Variants in PPP2R2B observed in about 807,000 individuals in gnomAD.
PPP2R2B encodes the protein serine/threonine-protein phosphatase 2A 55 kDa regulatory subunit B beta isoform.
In PPP2R2B, 5 loss-of-function variants were observed where a neutral mutation model predicts 46.0. The observed-to-expected ratio is 0.11, with a 90% CI of 0.06 to 0.23. The LOEUF is 0.23. Ranked by LOEUF, PPP2R2B falls within the 10% of genes least tolerant of loss-of-function variation. The pLI is 1.00. For synonymous variants in PPP2R2B, 215 were observed against 206.7 expected (o/e 1.04, Z -0.34); for missense variants, 367 against 575.0 (o/e 0.64, Z 3.70).
At chr5:146,697,761 T>G (rs1010533566) in intron 4 of PPP2R2B, among the ~76,000 whole-genome samples, 1 of 152,196 alleles carries the variant, frequency 6.6e-6, no homozygotes, top group Admixed American at 6.5e-5. Flanking sequence ...GGGTCTCACA[T>G]AATTGGGTCA....
At position 146,781,411 on chromosome 5, in the gene PPP2R2B, C is replaced by T. The variant is rs181707447; in HGVS notation, c.71-80269G>A. ...GAAGGCAACTTGAATATTCCATTTG[C>T]CTGTCTGATGCCAACTACCCAAATT... On this transcript the variant is annotated intron_variant, in intron 2 of 9. Coordinates refer to ENST00000394411, the MANE Select transcript of PPP2R2B (RefSeq NM_181675.4). Among the ~76,000 whole-genome samples, 368 of 151,552 alleles carry T rather than the reference C, an allele frequency of 2.4e-3. 1 individual carries two copies. Among genetic ancestry groups the T allele is most frequent in the African/African-American group, 8.2e-3 (341 of 41,374 alleles).
intron 1 of PPP2R2B, among the ~76,000 whole-genome samples, chr5:147,022,231 C>T (rs981658936): frequency 1.3e-5 from 2 of 151,852 alleles, no homozygotes; most frequent in African/African-American, 2.4e-5. Flanking sequence ...GAGAGTAAAG[C>T]GTGGGCAGAA....
intron 2 of PPP2R2B, among the ~76,000 whole-genome samples, chr5:146,712,966 TAGATA>T (rs1359431504): frequency 5.3e-5 from 8 of 152,216 alleles, no homozygotes; most frequent in Non-Finnish European, 1.2e-4. Context: ...CAATTAAAAA[TAGATA>T]AGATATCTGT....
Position 146,812,815 on chromosome 5 carries a change from A to ATGTATG in PPP2R2B, c.70+65186_70+65187insCATACA, listed in dbSNP as rs1418545306. ...TGTGTATATATATATATATATATAT[A>ATGTATG]TATATATATATATACACACACATTT... On this transcript the variant is annotated intron_variant, in intron 2 of 9. Transcript: ENST00000394411. Among the ~76,000 whole-genome samples the ATGTATG allele has an allele frequency of 8.4e-5, 3 of 35,632 alleles. 1 individual carries two copies. The highest frequency in any genetic ancestry group is 2.5e-4 in the African/African-American group (3 of 11,902). The allele number at this position is 35,632 out of a possible 152,430, so 23.4% of individuals were successfully genotyped here.
intron 2 of PPP2R2B, among the ~76,000 whole-genome samples, chr5:146,846,640 T>C (rs561268072): frequency 7.4e-4 from 112 of 151,920 alleles, no homozygotes; most frequent in Non-Finnish European, 1.2e-3. Context: ...ATCTTGCCAC[T>C]GCACTCGAGC....
rs6149281 is a variant in PPP2R2B at position 146,585,259 on chromosome 5, T to TACAC, written c.*4684_*4687dup. On this transcript the variant is annotated 3_prime_UTR_variant, in exon 10 of 10. Coordinates refer to ENST00000394411, the MANE Select transcript of PPP2R2B (RefSeq NM_181675.4). ...GATCAGTAACTTCCATCTACATGCATACACACACACACACACACACACACA... is the reference window on the plus strand; with the variant it reads ...GATCAGTAACTTCCATCTACATGCATACACACACACACACACACACACACACACA... 0.16 allele frequency: 20,651 copies of TACAC among 129,544 alleles called. 1,745 individuals are homozygous for TACAC. The highest frequency in any genetic ancestry group is 0.17 in the Admixed American group (2,190 of 12,836). The allele number at this position is 129,544 out of a possible 1,614,324, so 8.0% of individuals were successfully genotyped here.
chr5:146,882,114 A>G (rs531012338), upstream of PPP2R2B, among the ~76,000 whole-genome samples: 3 of 152,108 alleles, frequency 2.0e-5, no homozygotes, highest in East Asian at 5.8e-4. Context: ...TGTCTCTACT[A>G]AAAATACAAA....
intron 7 of PPP2R2B, among the ~76,000 whole-genome samples, chr5:146,621,152 C>T (rs981038780): frequency 1.3e-5 from 2 of 152,254 alleles, no homozygotes; most frequent in Non-Finnish European, 2.9e-5. Context: ...ACTGTCTTCT[C>T]ATGGATCAGG....
chr5:147,020,756 C>T (rs1755223119), intron 1 of PPP2R2B, among the ~76,000 whole-genome samples: 1 of 152,198 alleles, frequency 6.6e-6, no homozygotes, highest in African/African-American at 2.4e-5. Context: ...CTAATGAGAA[C>T]AGTACTGATG....
intron 2 of PPP2R2B, among the ~76,000 whole-genome samples, chr5:146,763,014 G>C (rs181958459): frequency 1.3e-5 from 2 of 152,184 alleles, no homozygotes; most frequent in Non-Finnish European, 2.9e-5. Context: ...CCTGTGACCC[G>C]CCTGGCTCCA....
At chr5:147,078,055 A>T (rs1431769271) in intron 2 of PPP2R2B, among the ~76,000 whole-genome samples, 1 of 152,182 alleles carries the variant, frequency 6.6e-6, no homozygotes, top group Non-Finnish European at 1.5e-5. Context: ...ACCCATTTAT[A>T]AGCTATAGTG....
intron 2 of PPP2R2B, among the ~76,000 whole-genome samples, chr5:146,716,364 CATTAAA>C (rs1780498730): frequency 6.6e-6 from 1 of 152,142 alleles, no homozygotes; most frequent in Non-Finnish European, 1.5e-5. Context: ...AAATGTATTT[CATTAAA>C]GGCAGAATTC....
chr5:146,828,613 G>A (rs548434124), intron 2 of PPP2R2B, among the ~76,000 whole-genome samples: 1 of 152,320 alleles, frequency 6.6e-6, no homozygotes, highest in Admixed American at 6.5e-5. Flanking sequence ...TGTAGAGACA[G>A]CCAGATGGAG....
intron 1 of PPP2R2B, among the ~76,000 whole-genome samples, chr5:146,988,616 C>G (rs1054743859): frequency 6.6e-6 from 1 of 151,780 alleles, no homozygotes; most frequent in Non-Finnish European, 1.5e-5. Context: ...ACAGTAAAAA[C>G]AGTTTGGAAA....
rs191381619 is a variant in PPP2R2B at position 146,677,357 on chromosome 5, A to G, written c.447+13771T>C. On this transcript the variant is annotated intron_variant, in intron 5 of 9. Transcript: ENST00000394411. ...GAAAATGTTGAGAAAGAACTCAGGC[A>G]GTTTCTAAATACACAATGGGATTGA... is the stretch of plus-strand genomic sequence containing the variant. Among the ~76,000 whole-genome samples the G allele has an allele frequency of 2.6e-5, 4 of 152,296 alleles. No individual in the cohort carries two copies. The East Asian group carries it at 7.7e-4, about 29-fold the overall frequency.
chr5:147,071,088 T>TA (rs879933642), intron 2 of PPP2R2B, among the ~76,000 whole-genome samples: 40 of 147,074 alleles, frequency 2.7e-4, no homozygotes, highest in African/African-American at 4.2e-4. Flanking sequence ...TTCCTTTATT[T>TA]AAAAAAAAAA....
intron 1 of PPP2R2B, among the ~76,000 whole-genome samples, chr5:146,947,610 G>C (rs553400375): frequency 1.3e-5 from 2 of 152,112 alleles, no homozygotes; most frequent in Admixed American, 1.3e-4. Flanking sequence ...ATGGTTTAAA[G>C]CCTTATATAC....
intron 2 of PPP2R2B, among the ~76,000 whole-genome samples, chr5:146,836,284 C>T (rs1321608693): frequency 6.6e-6 from 1 of 152,186 alleles, no homozygotes; most frequent in African/African-American, 2.4e-5. Context: ...CCCCCACCTA[C>T]TTGGAGTATA....
At chr5:146,831,951 C>T (rs2151352451) in intron 2 of PPP2R2B, among the ~76,000 whole-genome samples, 1 of 152,324 alleles carries the variant, frequency 6.6e-6, no homozygotes, top group East Asian at 1.9e-4. Flanking sequence ...ATTGATAATC[C>T]TGACCCTGTG....
Sources: gnomAD v4.1 joint callset for allele counts (sites outside exome capture counted in the v4.1 genomes callset) on GRCh38, gnomAD v4.1.1 for gene constraint, MANE v1.5 for transcripts, NCBI Gene and HGNC (gene_info 2026-07-23, HGNC 2026-07-21) for gene names.